NEURL4: variants seen among roughly 807,000 people sequenced by gnomAD.
The protein encoded by NEURL4 is neuralized-like protein 4.
Under a neutral mutation model 148.0 loss-of-function variants are expected in NEURL4, and 45 were observed. That is an observed-to-expected ratio of 0.30 (90% CI 0.24 to 0.39). The LOEUF is 0.39. NEURL4 is among the 10% of genes least tolerant of loss of function. The probability of loss-of-function intolerance (pLI) is 1.00; values close to 1 mark genes in which losing one functional copy is unlikely to be tolerated. For missense variants in NEURL4, 1,776 were observed against 2,144.0 expected (o/e 0.83, Z 3.39); for synonymous variants, 854 against 869.0 (o/e 0.98, Z 0.30).
chr17:7,324,173 G>T lies in NEURL4; in HGVS notation c.1997C>A (p.Pro666Gln). 6.2e-7 allele frequency: 1 copy of T among 1,613,670 alleles called. No individual in the cohort carries two copies. The highest frequency in any genetic ancestry group is 8.5e-7 in the Non-Finnish European group (1 of 1,180,002). ...TQGPAAWNVP[P>Q]GVYAVVDLYG... is the part of the protein sequence containing the mutation. The stretch of plus-strand genomic sequence containing the variant: ...GAGATCGACGACAGCATAGACGCCC[G>T]GGGGCACGTTCCAGGCAGCAGGGCC... The change falls in exon 11 of 29, where the codon CCG (proline) becomes CAG (glutamine). Residue 666 changes from proline to glutamine, a missense_variant. By Grantham distance (76) the Pro-to-Gln change is moderately conservative (BLOSUM62 -1). Coordinates refer to ENST00000399464, the MANE Select transcript of NEURL4 (RefSeq NM_032442.3). The surrounding 1 kb of genome is among the most constrained non-coding windows in gnomAD (Gnocchi z 5.9).
chr17:7,323,601 A>C (rs370408641), intron 13 of NEURL4, 38 bp from the exon 14 acceptor site: 438 of 1,613,996 alleles, frequency 2.7e-4, no homozygotes, highest in Non-Finnish European at 3.0e-4. Context: ...CCGATCCCCA[A>C]GGCACAGACA....
At position 7,317,347 on chromosome 17, in the gene NEURL4, G is replaced by A. The variant is rs745865165; in HGVS notation, c.4342C>T (p.Arg1448Cys). The A allele has an allele frequency of 1.0e-5, 16 of 1,555,126 alleles. No individual in the cohort carries two copies. Among genetic ancestry groups the A allele is most frequent in the African/African-American group, 1.4e-5 (1 of 73,222 alleles). Residue 1448 changes from arginine (R) to cysteine (C), a missense_variant, in exon 28 of 29, where the codon CGT (arginine) becomes TGT (cysteine). By Grantham distance (180) the Arg-to-Cys change is radical. Coordinates refer to ENST00000399464, the MANE Select transcript of NEURL4 (RefSeq NM_032442.3). ...GAGTASILSC[R>C]PLKGEPGVGF... ...ACCCCAGGTTCTCCCTTCAAAGGAC[G>A]GCAGCTCAGGATGGAGGCAGTACCT...
In NEURL4 at chr17:7,323,862, C is replaced by T. The variant is rs201553991; in HGVS notation, c.2213G>A (p.Arg738His). The stretch of plus-strand genomic sequence containing the variant: ...ATTAAACTCGCTGCGACAGTTGTGG[C>T]GGAGGGCGGTGCGGCCCCCGTTAGT... ...VITNGGRTAL[R>H]HNCRSEFNDA... is the part of the protein sequence containing the mutation. The change falls in exon 12 of 29, where the codon CGC becomes CAC. Residue 738 changes from arginine to histidine, a missense_variant. By Grantham distance (29) the Arg-to-His change is conservative. Coordinates refer to ENST00000399464, the MANE Select transcript of NEURL4 (RefSeq NM_032442.3). The T allele has an allele frequency of 1.5e-5, 24 of 1,613,916 alleles. No homozygotes were observed. The highest frequency in any genetic ancestry group is 2.2e-5 in the East Asian group (1 of 44,902).
In NEURL4 at chr17:7,318,604, C is replaced by T. The variant is rs752348342; in HGVS notation, c.3755G>A (p.Ser1252Asn). Reference protein sequence around the residue: ...EGTILGLRLDSSGGLHLHVNG... With the variant: ...EGTILGLRLDNSGGLHLHVNG... Reference sequence around the variant, plus strand: ...AACATGAAGATGCAGCCCCCCAGAGCTGTCCAGCCGCAGTCCCAGGATGGT... The same window carrying T: ...AACATGAAGATGCAGCCCCCCAGAGTTGTCCAGCCGCAGTCCCAGGATGGT... The change falls in exon 23 of 29, where the codon AGC becomes AAC. Residue 1252 changes from serine to asparagine, a missense_variant. Coordinates refer to ENST00000399464, the MANE Select transcript of NEURL4 (RefSeq NM_032442.3). The surrounding 1 kb of genome is among the most constrained non-coding windows in gnomAD (Gnocchi z 4.3). The T allele has an allele frequency of 1.9e-6, 3 of 1,613,986 alleles. No homozygotes were observed. The highest frequency in any genetic ancestry group is 2.7e-5 in the African/African-American group (2 of 74,922).
intron 28 of NEURL4, 92 bp downstream of exon 28, chr17:7,317,113 G>C: frequency 1.1e-6 from 1 of 875,022 alleles, no homozygotes; most frequent in Non-Finnish European, 1.7e-6. Context: ...ATGAGAAAAG[G>C]GGAGGGCGAA....
At chr17:7,317,722 T>A (rs1342131483) in intron 26 of NEURL4, 66 bp downstream of exon 26, 2 of 1,598,980 alleles carry the variant, frequency 1.3e-6, no homozygotes, top group Non-Finnish European at 8.5e-7. Context: ...CCATGCACCC[T>A]CTTGGGATCC....
In NEURL4 at chr17:7,319,050, C is replaced by G. The variant is rs1198693154; in HGVS notation, c.3684G>C (p.Lys1228Asn). 4 of 1,610,080 alleles carry G rather than the reference C, an allele frequency of 2.5e-6. No homozygotes were observed. Among genetic ancestry groups the G allele is most frequent in the Non-Finnish European group, 3.4e-6 (4 of 1,178,066 alleles). The change falls in exon 22 of 29, where the codon AAG (lysine) becomes AAC (asparagine). Residue 1228 changes from lysine to asparagine, a missense_variant and splice_region_variant. By Grantham distance (94) the Lys-to-Asn change is moderately conservative. Transcript: ENST00000399464. ...TTCCTTCTCTCTGGCTCCTACTCAC[C>G]TTGAGACCGTTGTGGAAGACCCCAC... ...RGRGVFHNGL[K>N]ICEKFGPNLD...
chr17:7,321,399 C>T lies in NEURL4; in HGVS notation c.3160G>A (p.Gly1054Arg). 1 of 1,614,166 alleles carries T rather than the reference C, an allele frequency of 6.2e-7. No homozygotes were observed. The highest frequency in any genetic ancestry group is 8.5e-7 in the Non-Finnish European group (1 of 1,180,020). Residue 1054 changes from glycine to arginine, a missense_variant, in exon 19 of 29, where the codon GGA becomes AGA. Transcript: ENST00000399464. This position sits in a 1 kb window ranked among gnomAD's most constrained non-coding sequence, Gnocchi z 6.3. ...ADDTMHILVD[G>R]EDMGPAATGI... ...GTGGCTGCAGGCCCCATATCCTCTC[C>T]ATCCACCAGGATGTGCATCGTGTCA... is the stretch of plus-strand genomic sequence containing the variant.
rs2072940842 is a variant in NEURL4 at position 7,316,131 on chromosome 17, C to T, written c.4681G>A (p.Val1561Met). Residue 1561 changes from valine to methionine, a missense_variant, in exon 29 of 29, where the codon GTG (valine) becomes ATG (methionine). By Grantham distance (21) the Val-to-Met change is conservative. Coordinates refer to ENST00000399464, the MANE Select transcript of NEURL4 (RefSeq NM_032442.3). ...ATLLCALLVR[V>M]E ...TAGTGGTGTCTCACCCCTCATTCCA[C>T]CCGTACCAGCAGGGCACAGAGGAGT... 3 of 1,526,950 alleles carry T rather than the reference C, an allele frequency of 2.0e-6. No individual in the cohort carries two copies. Among genetic ancestry groups the T allele is most frequent in the Admixed American group, 1.7e-5 (1 of 59,906 alleles). 94.6% of individuals were successfully genotyped at this position (1,526,950 alleles called of 1,614,324 possible). A position where few individuals can be genotyped will look rare whatever the true frequency, so the allele number is the denominator to read the frequency against.
rs1597634551 is a variant in NEURL4 at position 7,322,274 on chromosome 17, C to T, written c.2726-264G>A. On this transcript the variant is annotated intron_variant, in intron 16 of 28. Transcript: ENST00000399464. This position sits in a 1 kb window ranked among gnomAD's most constrained non-coding sequence, Gnocchi z 5.5. ...CTGGGATCCAGCTATCCTCCCACCT[C>T]AGCCTCTCAAGTAGCTGGGACCACA... 2.0e-5 allele frequency among the ~76,000 whole-genome samples: 3 copies of T among 152,294 alleles called. No individual in the cohort carries two copies. In the South Asian group the frequency reaches 6.2e-4, roughly 32 times the overall value.
At position 7,325,275 on chromosome 17, in the gene NEURL4, A is replaced by G; in HGVS notation, c.1565T>C (p.Leu522Pro). The G allele has an allele frequency of 1.2e-6, 2 of 1,607,986 alleles. No homozygotes were observed. Among genetic ancestry groups the G allele is most frequent in the Non-Finnish European group, 1.7e-6 (2 of 1,177,766 alleles). The change falls in exon 8 of 29, where the codon CTC becomes CCC. Residue 522 changes from leucine (L) to proline (P), a missense_variant. Coordinates refer to ENST00000399464, the MANE Select transcript of NEURL4 (RefSeq NM_032442.3). ...CTTCTGCCCACAGTTGGGGTGGAAG[A>G]GCAGGCGCTCAGGTTCTGCCTGGGC... ...PAAQAEPERL[L>P]FHPNCGQKAA...
At chr17:7,319,709 CA>C (rs201718217) in intron 21 of NEURL4, among the ~76,000 whole-genome samples, 28 of 112,356 alleles carry the variant, frequency 2.5e-4, no homozygotes, top group Non-Finnish European at 5.5e-5. Context: ...TCAAAAAAAA[CA>C]AAAAAACAAA....
chr17:7,321,235 G>T lies in NEURL4; in HGVS notation c.3237C>A (p.Arg1079=). 1 of 1,613,892 alleles carries T rather than the reference G, an allele frequency of 6.2e-7. No individual in the cohort carries two copies. The highest frequency in any genetic ancestry group is 1.7e-5 in the Admixed American group (1 of 60,010). Residue 1079 remains arginine (R), a synonymous_variant, in exon 20 of 29, where the codon CGC becomes CGA. Transcript: ENST00000399464. This position sits in a 1 kb window ranked among gnomAD's most constrained non-coding sequence, Gnocchi z 6.3. ...TCGTGGAACTGACAATTGACACACC[G>T]CGGACTGGCCCGTAGAGATCCAACA... ...WAVLDLYGPV[R]GVSIVSSTRL...
rs367715778 is a variant in NEURL4, at chr17:7,324,157, G to A, written c.2013C>T (p.Val671=). 2.0e-5 allele frequency: 32 copies of A among 1,613,608 alleles called. 2 individuals are homozygous for A. The South Asian group carries it at 2.7e-4, about 14-fold the overall frequency. The change falls in exon 11 of 29, where the codon GTC becomes GTT. Residue 671 remains valine (V), a synonymous_variant. Transcript: ENST00000399464. The surrounding 1 kb of genome is among the most constrained non-coding windows in gnomAD (Gnocchi z 5.9). ...GGGCCGCCTGGCCATAGAGATCGAC[G>A]ACAGCATAGACGCCCGGGGGCACGT... ...AWNVPPGVYA[V]VDLYGQAAQA... is the part of the protein sequence containing the mutation.
At chr17:7,317,702 A>G (rs2072969104) in intron 26 of NEURL4, 86 bp downstream of exon 26, 3 of 1,585,164 alleles carry the variant, frequency 1.9e-6, no homozygotes, top group African/African-American at 1.3e-5. Flanking sequence ...AGGAAGTTCT[A>G]TTACTTCTTC....
chr17:7,316,156 T>C lies in NEURL4; in HGVS notation c.4656A>G (p.Thr1552=). ...CCCGTACCAGCAGGGCACAGAGGAGTGTGGCCCCCTTCTCCTTAGTGACCC... is the reference window on the plus strand; with the variant it reads ...CCCGTACCAGCAGGGCACAGAGGAGCGTGGCCCCCTTCTCCTTAGTGACCC... The part of the protein sequence containing the change: ...LEWVTKEKGA[T]LLCALLVRVE The change falls in exon 29 of 29, where the codon ACA becomes ACG. Residue 1552 remains threonine (T), a synonymous_variant. Transcript: ENST00000399464. 6.3e-7 allele frequency: 1 copy of C among 1,580,256 alleles called. No homozygotes were observed. The highest frequency in any genetic ancestry group is 8.7e-7 in the Non-Finnish European group (1 of 1,149,252).
Position 7,317,224 on chromosome 17 carries a change from T to C in NEURL4, c.4465A>G (p.Thr1489Ala). The change falls in exon 28 of 29, where the codon ACC (threonine) becomes GCC (alanine). Residue 1489 changes from threonine (T) to alanine (A), a missense_variant. Transcript: ENST00000399464. ...SPSLQYAGAE[T>A]LASKVQFRDP... ...ACTCACTGCACTTTGGAGGCCAGGG[T>C]CTCCGCCCCAGCATATTGAAGGGAG... The C allele has an allele frequency of 1.3e-6, 2 of 1,513,966 alleles. No homozygotes were observed. The highest frequency in any genetic ancestry group is 1.8e-6 in the Non-Finnish European group (2 of 1,133,838). The allele number at this position is 1,513,966 out of a possible 1,614,324, so 93.8% of individuals were successfully genotyped here.
At position 7,329,059 on chromosome 17, in the gene NEURL4, C is replaced by T. The variant is rs1243533988; in HGVS notation, c.254G>A (p.Arg85His). ...GCGGTCGATGCGGACGGTGAAGACG[C>T]GTCCATCGCGCAAGGGTTCTCGGCT... is the stretch of plus-strand genomic sequence containing the variant. Reference protein sequence around the residue: ...VLSREPLRDGRVFTVRIDRKV... With the variant: ...VLSREPLRDGHVFTVRIDRKV... The change falls in exon 1 of 29, where the codon CGC becomes CAC. Residue 85 changes from arginine to histidine, a missense_variant. By Grantham distance (29) the Arg-to-His change is conservative. Transcript: ENST00000399464. 5 of 1,595,004 alleles carry T rather than the reference C, an allele frequency of 3.1e-6. No individual in the cohort carries two copies. Among genetic ancestry groups the T allele is most frequent in the Non-Finnish European group, 4.3e-6 (5 of 1,170,508 alleles).
At chr17:7,316,459 T>A in intron 28 of NEURL4, 132 bp from the exon 29 acceptor site, 3 of 678,536 alleles carry the variant, frequency 4.4e-6, no homozygotes, top group Non-Finnish European at 7.6e-6. Context: ...TCGCTCTAGC[T>A]GTTCTACCTG....
Sources: gnomAD v4.1 joint callset for allele counts (sites outside exome capture counted in the v4.1 genomes callset) on GRCh38, gnomAD v4.1.1 for gene constraint, Gnocchi (gnomAD v3.1) non-coding constraint, MANE v1.5 for transcripts, NCBI Gene and HGNC (gene_info 2026-07-23, HGNC 2026-07-21) for gene names.